GRM3: variants seen among roughly 807,000 people sequenced by gnomAD.
GRM3 encodes the protein metabotropic glutamate receptor 3.
A neutral mutation model predicts 70.5 loss-of-function variants in GRM3; 26 were observed. The observed-to-expected ratio is 0.37, with a 90% CI of 0.27 to 0.51. The LOEUF is 0.51. Ranked by LOEUF, GRM3 falls within the 20% of genes least tolerant of loss-of-function variation. GRM3 has a pLI of 0.93. For missense variants in GRM3, 859 were observed against 1,123.8 expected (o/e 0.76, Z 3.37); for synonymous variants, 443 against 434.9 (o/e 1.02, Z -0.23).
intron 1 of GRM3, among the ~76,000 whole-genome samples, chr7:86,691,231 A>T (rs1794689626): frequency 6.6e-6 from 1 of 152,124 alleles, no homozygotes; most frequent in South Asian, 2.1e-4. Context: ...GGTCATCTTG[A>T]TCATTGCCAT....
chr7:86,778,595 C>CT (rs1430673246), intron 2 of GRM3, among the ~76,000 whole-genome samples: 1 of 152,208 alleles, frequency 6.6e-6, no homozygotes, highest in South Asian at 2.1e-4. Flanking sequence ...TTCACATTCT[C>CT]TTTTTTCACA....
At chr7:86,815,214 C>T (rs980865462) in intron 3 of GRM3, among the ~76,000 whole-genome samples, 1 of 151,730 alleles carries the variant, frequency 6.6e-6, no homozygotes, top group African/African-American at 2.4e-5. Flanking sequence ...GGACAGAACA[C>T]GTATCTACTT....
At chr7:86,689,324 G>T (rs1043929745) in intron 1 of GRM3, among the ~76,000 whole-genome samples, 1 of 151,944 alleles carries the variant, frequency 6.6e-6, no homozygotes, top group Non-Finnish European at 1.5e-5. Flanking sequence ...GCAGCGAGCA[G>T]TAAATAGATA....
chr7:86,735,468 C>A (rs2116297832), intron 1 of GRM3, among the ~76,000 whole-genome samples: 1 of 152,318 alleles, frequency 6.6e-6, no homozygotes, highest in South Asian at 2.1e-4. Flanking sequence ...TCTCTTATCT[C>A]CATTGTTAAA....
At chr7:86,787,556 CAGAGAGAG>C (rs71117519) in intron 3 of GRM3, among the ~76,000 whole-genome samples, 18 of 149,926 alleles carry the variant, frequency 1.2e-4, no homozygotes, top group Admixed American at 3.3e-4. Context: ...CAGTGGGTGA[CAGAGAGAG>C]AGAGAGAGAG....
intron 1 of GRM3, among the ~76,000 whole-genome samples, chr7:86,693,884 A>G (rs1176382056): frequency 6.6e-6 from 1 of 152,246 alleles, no homozygotes; most frequent in Non-Finnish European, 1.5e-5. Flanking sequence ...TGAAGAGCAC[A>G]GCATTTAATA....
intron 2 of GRM3, among the ~76,000 whole-genome samples, chr7:86,771,483 A>AT (rs916452359): frequency 2.0e-5 from 3 of 152,088 alleles, no homozygotes; most frequent in Admixed American, 1.3e-4. Context: ...ATATAAAAGC[A>AT]TTTTTATCAG....
intron 3 of GRM3, among the ~76,000 whole-genome samples, chr7:86,829,867 C>T (rs534931643): frequency 6.0e-4 from 92 of 152,134 alleles, no homozygotes; most frequent in Non-Finnish European, 1.1e-3. Context: ...AAAAATGGTA[C>T]TGATAGACTT....
At chr7:86,734,237 C>G (rs1584201669) in intron 1 of GRM3, among the ~76,000 whole-genome samples, 1 of 152,132 alleles carries the variant, frequency 6.6e-6, no homozygotes, top group Non-Finnish European at 1.5e-5. Context: ...GTTGAAAAAT[C>G]AGTTAAGCAT....
chr7:86,683,298 G>A (rs1043394359), intron 1 of GRM3, among the ~76,000 whole-genome samples: 2 of 152,180 alleles, frequency 1.3e-5, no homozygotes. Flanking sequence ...CACTGCAACA[G>A]AACATGTAGG....
At chr7:86,795,963 T>C (rs139978201) in intron 3 of GRM3, among the ~76,000 whole-genome samples, 2 of 152,360 alleles carry the variant, frequency 1.3e-5, no homozygotes, top group Non-Finnish European at 2.9e-5. Context: ...CCTTGTAGAT[T>C]CTGGCTTTGT....
At chr7:86,822,619 G>T (rs1445172951) in intron 3 of GRM3, among the ~76,000 whole-genome samples, 1 of 152,220 alleles carries the variant, frequency 6.6e-6, no homozygotes, top group African/African-American at 2.4e-5. Context: ...TAGAGCGAGA[G>T]ATATGAATGG....
Position 86,864,337 on chromosome 7 carries a change from C to T in GRM3, c.2622C>T (p.Ser874=), listed in dbSNP as rs144561011. The T allele has an allele frequency of 1.4e-5, 23 of 1,611,174 alleles. No homozygotes were observed. The highest frequency in any genetic ancestry group is 5.5e-5 in the South Asian group (5 of 91,036). The change falls in exon 6 of 6, where the codon TCC becomes TCT. Residue 874 remains serine (S), a synonymous_variant. Coordinates refer to ENST00000361669, the MANE Select transcript of GRM3 (RefSeq NM_000840.3). The part of the protein sequence containing the change: ...TVCNGREVLD[S]TTSSL ...GCAATGGGCGGGAAGTCCTCGACTC[C>T]ACCACCTCATCTCTGTGATTGTGAA...
At position 86,786,424 on chromosome 7, in the gene GRM3, C is replaced by G. The variant is rs1277227210; in HGVS notation, c.632C>G (p.Thr211Ser). ...GAGATCTTGCGCTTCTTCAACTGGA[C>G]CTACGTGTCCACAGTAGCCTCCGAG... Reference protein sequence around the residue: ...MAEILRFFNWTYVSTVASEGD... With the variant: ...MAEILRFFNWSYVSTVASEGD... The change falls in exon 3 of 6, where the codon ACC (threonine) becomes AGC (serine). Residue 211 changes from threonine (T) to serine (S), a missense_variant. By Grantham distance (58) the Thr-to-Ser change is moderately conservative. Transcript: ENST00000361669. This position sits in a 1 kb window ranked among gnomAD's most constrained non-coding sequence, Gnocchi z 6.0. 1 of 1,614,092 alleles carries G rather than the reference C, an allele frequency of 6.2e-7. No individual in the cohort carries two copies. Among genetic ancestry groups the G allele is most frequent in the Non-Finnish European group, 8.5e-7 (1 of 1,180,026 alleles).
chr7:86,712,737 G>A (rs925102650), intron 1 of GRM3, among the ~76,000 whole-genome samples: 1 of 151,958 alleles, frequency 6.6e-6, no homozygotes, highest in African/African-American at 2.4e-5. Context: ...TGCGATATTT[G>A]TCTTTGTGTG....
chr7:86,754,771 A>G (rs1480358444), intron 1 of GRM3, among the ~76,000 whole-genome samples: 1 of 152,162 alleles, frequency 6.6e-6, no homozygotes, highest in Non-Finnish European at 1.5e-5. Context: ...CAGCAAAACC[A>G]AAAGGGAATT....
intron 1 of GRM3, among the ~76,000 whole-genome samples, chr7:86,688,707 A>G (rs1247987173): frequency 6.7e-6 from 1 of 149,256 alleles, no homozygotes; most frequent in Non-Finnish European, 1.5e-5. Flanking sequence ...TATATGAGAA[A>G]TATGATATAT....
chr7:86,738,429 G>C (rs1021995400), intron 1 of GRM3, among the ~76,000 whole-genome samples: 1 of 152,186 alleles, frequency 6.6e-6, no homozygotes, highest in African/African-American at 2.4e-5. Context: ...TGAATTAATT[G>C]TGAGGGCCAG....
chr7:86,674,260 A>G (rs1794246702), intron 1 of GRM3, among the ~76,000 whole-genome samples: 1 of 151,948 alleles, frequency 6.6e-6, no homozygotes, highest in African/African-American at 2.4e-5. Context: ...TCATATGACT[A>G]TTGTTAGAAG....
Sources: allele counts gnomAD v4.1 joint callset (sites outside exome capture counted in the v4.1 genomes callset), GRCh38; gene constraint gnomAD v4.1.1; non-coding constraint Gnocchi (gnomAD v3.1); transcripts MANE v1.5; gene names NCBI Gene and HGNC (gene_info 2026-07-23, HGNC 2026-07-21).